Variants in TMEM39B observed in about 807,000 individuals in gnomAD.
TMEM39B encodes transmembrane protein 39B.
A neutral mutation model predicts 52.2 loss-of-function variants in TMEM39B; 23 were observed. That is an observed-to-expected ratio of 0.44 (90% confidence interval 0.32 to 0.62). TMEM39B has a LOEUF of 0.62. Ranked by LOEUF, TMEM39B falls within the 20% of genes least tolerant of loss-of-function variation. TMEM39B has a pLI of 0.06. For missense variants in TMEM39B, 547 were observed against 642.0 expected, an observed-to-expected ratio of 0.85 and a Z score of 1.60; for synonymous variants, 285 against 264.0, an observed-to-expected ratio of 1.08 and a Z score of -0.77.
At chr1:32,100,067 G>A (rs1640960174) in intron 7 of TMEM39B, among the ~76,000 whole-genome samples, 1 of 151,816 alleles carries the variant, frequency 6.6e-6, no homozygotes, top group African/African-American at 2.4e-5. Context: ...AGCCCACAAA[G>A]AGTTTTAAGC....
rs189998170 is a variant in TMEM39B at position 32,096,634 on chromosome 1, C to T, written c.1115+1663C>T. Among the ~76,000 whole-genome samples, 147 of 151,160 alleles carry T rather than the reference C, an allele frequency of 9.7e-4. 1 individual carries two copies. The highest frequency in any genetic ancestry group is 3.4e-3 in the African/African-American group (142 of 41,268). ...CACCACCACACCCGGCTAATTTTTACGTTTTTAGTAGAGATGGGGTTTCAC... is the reference window on the plus strand; with the variant it reads ...CACCACCACACCCGGCTAATTTTTATGTTTTTAGTAGAGATGGGGTTTCAC... On this transcript the variant is annotated intron_variant, in intron 7 of 8. Transcript: ENST00000336294.
At chr1:32,075,943 C>T in intron 3 of TMEM39B, 121 bp downstream of exon 3, 5 of 648,572 alleles carry the variant, frequency 7.7e-6, no homozygotes, top group Non-Finnish European at 1.0e-5. Context: ...GCACTTGGCT[C>T]CATGCTGAAC....
In TMEM39B at chr1:32,073,001, G is replaced by C. The variant is rs1019057146; in HGVS notation, c.-47G>C. 2.0e-6 allele frequency: 3 copies of C among 1,532,728 alleles called. No individual in the cohort carries two copies. 94.9% of individuals were successfully genotyped at this position (1,532,728 alleles called of 1,614,324 possible). A position where few individuals can be genotyped will look rare whatever the true frequency, so the allele number is the denominator to read the frequency against. ...CGGCCGCCGTCGCCTCCGACATATT[G>C]CCCGCAGGAGCTGCGGCGGCGAAGC... On this transcript the variant is annotated 5_prime_UTR_variant, in exon 1 of 9. Coordinates refer to ENST00000336294, the MANE Select transcript of TMEM39B (RefSeq NM_018056.4).
intron 7 of TMEM39B, among the ~76,000 whole-genome samples, chr1:32,096,295 A>G (rs1036263292): frequency 2.6e-5 from 4 of 151,990 alleles, no homozygotes; most frequent in Admixed American, 6.6e-5. Context: ...CCCCTCCCCT[A>G]TAAGGGGCCC....
intron 1 of TMEM39B, chr1:32,073,998 C>A: frequency 1.5e-6 from 1 of 655,738 alleles, no homozygotes; most frequent in Non-Finnish European, 1.9e-6. Context: ...ATCCTCCCGC[C>A]TCGGCCTCAC....
At position 32,075,647 on chromosome 1, in the gene TMEM39B, A is replaced by G; in HGVS notation, c.176A>G (p.Gln59Arg). Residue 59 changes from glutamine to arginine, a missense_variant, in exon 3 of 9, where the codon CAA (glutamine) becomes CGA (arginine). Coordinates refer to ENST00000336294, the MANE Select transcript of TMEM39B (RefSeq NM_018056.4). ...CTCTCCAGCCCTCCTCTGGCCACCC[A>G]AACTGTTGTGCCTCTACAGCACTGC... Reference protein sequence around the residue: ...TGLSSPPLATQTVVPLQHCKI... With the variant: ...TGLSSPPLATRTVVPLQHCKI... The G allele has an allele frequency of 6.4e-7, 1 of 1,551,692 alleles. No individual in the cohort carries two copies. Among genetic ancestry groups the G allele is most frequent in the Non-Finnish European group, 8.7e-7 (1 of 1,147,006 alleles).
intron 1 of TMEM39B, chr1:32,073,335 A>G (rs1639719464): frequency 2.4e-6 from 1 of 424,564 alleles, no homozygotes; most frequent in East Asian, 4.2e-5. Flanking sequence ...GGCGGGACTT[A>G]CCAGTGGGCG....
chr1:32,091,023 C>A (rs1385653124), intron 5 of TMEM39B, among the ~76,000 whole-genome samples: 1 of 151,998 alleles, frequency 6.6e-6, no homozygotes, highest in South Asian at 2.1e-4. Context: ...CCTGGGCTCA[C>A]GTGATCTTCC....
intron 7 of TMEM39B, 129 bp downstream of exon 7, chr1:32,095,100 C>A: frequency 8.9e-7 from 1 of 1,120,210 alleles, no homozygotes; most frequent in Non-Finnish European, 1.3e-6. Context: ...TATTATTAGG[C>A]CAGGTGTCCA....
In TMEM39B at chr1:32,073,623, G is replaced by T. The variant is rs556817099; in HGVS notation, c.4+572G>T. The T allele has an allele frequency of 2.6e-4, 252 of 987,600 alleles. No homozygotes were observed. The African/African-American group carries it at 4.1e-3, about 16-fold the overall frequency. 61.2% of individuals were successfully genotyped at this position (987,600 alleles called of 1,614,324 possible). A position where few individuals can be genotyped will look rare whatever the true frequency, so the allele number is the denominator to read the frequency against. The stretch of plus-strand genomic sequence containing the variant: ...AGAGTGGGTGTGGGCAGAGCTTCTG[G>T]ACTGGACTAAGGGTGTTTGTGTGGG... On this transcript the variant is annotated intron_variant, in intron 1 of 8. Transcript: ENST00000336294.
rs1213310168 is a variant in TMEM39B at position 32,102,596 on chromosome 1, C to T, written c.1402C>T (p.Arg468Trp). 6.2e-6 allele frequency: 10 copies of T among 1,613,936 alleles called. No individual in the cohort carries two copies. The highest frequency in any genetic ancestry group is 1.3e-5 in the African/African-American group (1 of 74,996). Residue 468 changes from arginine to tryptophan, a missense_variant, in exon 9 of 9, where the codon CGG (arginine) becomes TGG (tryptophan). Arg to Trp is a moderately radical substitution (Grantham distance 101). Transcript: ENST00000336294. ...SNYYAFFKLL[R>W]DRLVLGKAYS... The stretch of plus-strand genomic sequence containing the variant: ...CTACTATGCCTTCTTCAAGCTGCTC[C>T]GGGACCGCTTGGTATTGGGCAAGGC...
chr1:32,077,852 T>C (rs1007403316), intron 5 of TMEM39B, among the ~76,000 whole-genome samples: 4 of 152,152 alleles, frequency 2.6e-5, no homozygotes, highest in Non-Finnish European at 4.4e-5. Context: ...CTGTTTTTGC[T>C]CTCTTTCTCC....
chr1:32,072,316 A>G (rs1230787975), upstream of TMEM39B: 1 of 152,172 alleles, frequency 6.6e-6, no homozygotes, highest in Non-Finnish European at 1.5e-5. Context: ...TCAGTTCTGC[A>G]TGCTCTATTT....
In TMEM39B at chr1:32,076,817, C is replaced by T. The variant is rs748779192; in HGVS notation, c.406C>T (p.Arg136Cys). The T allele has an allele frequency of 3.1e-6, 5 of 1,613,888 alleles. No homozygotes were observed. The highest frequency in any genetic ancestry group is 1.1e-5 in the South Asian group (1 of 91,072). Residue 136 changes from arginine (R) to cysteine (C), a missense_variant, in exon 4 of 9, where the codon CGC becomes TGC. Arg to Cys is a radical substitution (Grantham distance 180). Coordinates refer to ENST00000336294, the MANE Select transcript of TMEM39B (RefSeq NM_018056.4). The stretch of plus-strand genomic sequence containing the variant: ...GATGGTGACCACCATCGTTCTGGGC[C>T]GCCGCTTCATTGGGTCCATCGTGAA... Reference protein sequence around the residue: ...LLMVTTIVLGRRFIGSIVKEA... With the variant: ...LLMVTTIVLGCRFIGSIVKEA...
chr1:32,073,904 G>C, intron 1 of TMEM39B: 1 of 980,150 alleles, frequency 1.0e-6, no homozygotes, highest in Non-Finnish European at 1.2e-6. Context: ...TTAAAAATAT[G>C]TATATGTATG....
Position 32,076,823 on chromosome 1 carries a change from T to C in TMEM39B, c.412T>C (p.Phe138Leu). ...MVTTIVLGRR[F>L]IGSIVKEASQ... Reference sequence around the variant, plus strand: ...GACCACCATCGTTCTGGGCCGCCGCTTCATTGGGTCCATCGTGAAGGAGGT... The same window carrying C: ...GACCACCATCGTTCTGGGCCGCCGCCTCATTGGGTCCATCGTGAAGGAGGT... The change falls in exon 4 of 9, where the codon TTC becomes CTC. Residue 138 changes from phenylalanine to leucine, a missense_variant. Coordinates refer to ENST00000336294, the MANE Select transcript of TMEM39B (RefSeq NM_018056.4). 3.7e-6 allele frequency: 6 copies of C among 1,613,992 alleles called. No homozygotes were observed. The highest frequency in any genetic ancestry group is 5.1e-6 in the Non-Finnish European group (6 of 1,179,988).
chr1:32,080,168 G>A (rs1238188234), intron 5 of TMEM39B, among the ~76,000 whole-genome samples: 2 of 151,822 alleles, frequency 1.3e-5, no homozygotes, highest in South Asian at 2.1e-4. Flanking sequence ...GATTACAGGC[G>A]TGAGCCACCG....
chr1:32,073,704 T>C (rs545709292), intron 1 of TMEM39B: 1 of 985,362 alleles, frequency 1.0e-6, no homozygotes, highest in Non-Finnish European at 1.2e-6. Flanking sequence ...TGGGGGTTTA[T>C]GGAGGGCAGA....
At chr1:32,090,702 C>T (rs1640569257) in intron 5 of TMEM39B, among the ~76,000 whole-genome samples, 2 of 151,978 alleles carry the variant, frequency 1.3e-5, no homozygotes, top group Admixed American at 1.3e-4. Context: ...TGCAGTGGCG[C>T]GATCTCGGCT....
Sources: allele counts gnomAD v4.1 joint callset (sites outside exome capture counted in the v4.1 genomes callset), GRCh38; gene constraint gnomAD v4.1.1; transcripts MANE v1.5; gene names NCBI Gene and HGNC (gene_info 2026-07-23, HGNC 2026-07-21).